The following DOCK8 variants were observed in gnomAD, a reference collection of about 807,000 sequenced individuals.
DOCK8 encodes dedicator of cytokinesis protein 8.
DOCK8 carries 141 observed loss-of-function variants against 245.6 expected under a neutral mutation model. That is an observed-to-expected ratio of 0.57 (90% CI 0.50 to 0.66). DOCK8 has a LOEUF of 0.66. Ranked by LOEUF, DOCK8 falls within the 30% of genes least tolerant of loss-of-function variation. The probability of loss-of-function intolerance (pLI) is 0.00; values close to 1 mark genes in which losing one functional copy is unlikely to be tolerated. For missense variants in DOCK8, 2,965 were observed against 2,603.4 expected (o/e 1.14, Z -3.02); for synonymous variants, 1,168 against 970.2 (o/e 1.20, Z -3.79).
chr9:291,305 ACT>A (rs150950342), intron 4 of DOCK8, among the ~76,000 whole-genome samples: 2,489 of 152,170 alleles, frequency 0.016, 60 homozygotes, highest in African/African-American at 0.057. Flanking sequence ...GAAAAAAATG[ACT>A]CTTTTTGGAA....
intron 5 of DOCK8, among the ~76,000 whole-genome samples, chr9:308,124 T>C (rs1216373064): frequency 6.6e-6 from 1 of 152,196 alleles, no homozygotes; most frequent in Non-Finnish European, 1.5e-5. Flanking sequence ...AGGAATAAGT[T>C]CTAGTATTTG....
At chr9:440,089 G>A (rs547359916) in intron 40 of DOCK8, among the ~76,000 whole-genome samples, 1 of 152,268 alleles carries the variant, frequency 6.6e-6, no homozygotes, top group Admixed American at 6.5e-5. Context: ...TGCAATCATG[G>A]CTCACTGCAG....
At chr9:372,061 C>G (rs2053309906) in intron 17 of DOCK8, 124 bp from the exon 18 acceptor site, 1 of 848,928 alleles carries the variant, frequency 1.2e-6, no homozygotes, top group Non-Finnish European at 1.9e-6. Flanking sequence ...AAATTACTGC[C>G]AAAAAGAGTA....
chr9:386,276 C>A, intron 22 of DOCK8, 55 bp from the exon 23 acceptor site: 2 of 1,491,022 alleles, frequency 1.3e-6, no homozygotes, highest in South Asian at 1.1e-5. Flanking sequence ...TTCCAGATGT[C>A]TGGCTTACCT....
intron 32 of DOCK8, among the ~76,000 whole-genome samples, chr9:421,495 A>G (rs190592878): frequency 1.5e-4 from 23 of 152,244 alleles, no homozygotes; most frequent in Non-Finnish European, 2.8e-4. Flanking sequence ...TCAGGGCACT[A>G]TTAGAATGGA....
intron 24 of DOCK8, among the ~76,000 whole-genome samples, chr9:396,102 A>G (rs964145573): frequency 1.1e-4 from 16 of 152,246 alleles, no homozygotes; most frequent in Admixed American, 9.8e-4. Context: ...TATGTAACTA[A>G]AAATTAGACT....
chr9:264,985 G>A (rs2048003963), intron 1 of DOCK8, among the ~76,000 whole-genome samples: 1 of 152,174 alleles, frequency 6.6e-6, no homozygotes, highest in Non-Finnish European at 1.5e-5. Flanking sequence ...AGGCTGGAGT[G>A]CAATGGCGTG....
At position 404,963 on chromosome 9, in the gene DOCK8, C is replaced by A. The variant is rs753416014; in HGVS notation, c.3280C>A (p.Leu1094Ile). The A allele has an allele frequency of 3.1e-6, 5 of 1,614,038 alleles. No homozygotes were observed. The highest frequency in any genetic ancestry group is 3.4e-6 in the Non-Finnish European group (4 of 1,179,992). ...CCTTCCAACGCTCATTTCCATGAGG[C>A]TAGAGTTCCTGAGAATCCTCTGTAG... ...SNLPTLISMR[L>I]EFLRILCSHE... Residue 1094 changes from leucine (L) to isoleucine (I), a missense_variant, in exon 27 of 48, where the codon CTA (leucine) becomes ATA (isoleucine). Around this residue, in one of 3 missense-constraint regions of DOCK8, gnomAD observed 2,825 missense variants for 2,453.5 expected, o/e 1.15. Transcript: ENST00000432829.
chr9:302,318 C>T (rs1465578120), intron 4 of DOCK8, among the ~76,000 whole-genome samples: 5 of 152,070 alleles, frequency 3.3e-5, no homozygotes, highest in African/African-American at 1.2e-4. Context: ...GAAATTGGAC[C>T]CCTCCTTTTA....
At chr9:419,601 C>T (rs2056189984) in intron 30 of DOCK8, among the ~76,000 whole-genome samples, 1 of 152,194 alleles carries the variant, frequency 6.6e-6, no homozygotes. Context: ...CCATCCAAAA[C>T]TAACATTTCC....
intron 20 of DOCK8, among the ~76,000 whole-genome samples, chr9:378,524 G>C (rs998343855): frequency 6.6e-6 from 1 of 152,224 alleles, no homozygotes; most frequent in African/African-American, 2.4e-5. Context: ...TCCTGTGTTG[G>C]AGGCTAACTT....
intron 47 of DOCK8, 22 bp from the exon 48 acceptor site, chr9:464,137 C>A: frequency 6.2e-7 from 1 of 1,601,856 alleles, no homozygotes; most frequent in Non-Finnish European, 8.6e-7. Context: ...TCCCTCTCCT[C>A]CCTCTCTTTT....
At chr9:364,116 A>G (rs2052862300) in intron 14 of DOCK8, among the ~76,000 whole-genome samples, 1 of 152,222 alleles carries the variant, frequency 6.6e-6, no homozygotes, top group African/African-American at 2.4e-5. Flanking sequence ...GGGGCATGAT[A>G]TATAAAGTGT....
intron 33 of DOCK8, 115 bp downstream of exon 33, chr9:422,250 C>A: frequency 1.1e-6 from 1 of 874,022 alleles, no homozygotes. Context: ...AATGAAACAT[C>A]ATTATCTGTG....
chr9:309,241 T>G (rs1433126762), intron 5 of DOCK8, among the ~76,000 whole-genome samples: 1 of 152,218 alleles, frequency 6.6e-6, no homozygotes, highest in Non-Finnish European at 1.5e-5. Context: ...TAAAGTCATT[T>G]TCCTTAAACT....
chr9:292,453 G>A (rs2049086634), intron 4 of DOCK8, among the ~76,000 whole-genome samples: 2 of 136,676 alleles, frequency 1.5e-5, no homozygotes, highest in Admixed American at 1.5e-4. Flanking sequence ...AAGAATATTA[G>A]ATGTTATAAT....
chr9:443,631 A>G, intron 43 of DOCK8, 115 bp downstream of exon 43: 2 of 811,304 alleles, frequency 2.5e-6, no homozygotes, highest in South Asian at 1.5e-5. Flanking sequence ...AATGCAGTCA[A>G]ACCTTTTCGT....
intron 14 of DOCK8, among the ~76,000 whole-genome samples, chr9:356,571 C>G (rs1334053500): frequency 1.3e-5 from 2 of 151,878 alleles, no homozygotes; most frequent in Non-Finnish European, 2.9e-5. Flanking sequence ...GGGTCCCTTC[C>G]CACCTTCCCT....
intron 14 of DOCK8, among the ~76,000 whole-genome samples, chr9:353,223 A>T (rs890026826): frequency 1.2e-4 from 19 of 152,160 alleles, no homozygotes; most frequent in African/African-American, 4.6e-4. Context: ...CAAAACTCAG[A>T]CAAGTCCTCT....
Sources: allele counts gnomAD v4.1 joint callset (sites outside exome capture counted in the v4.1 genomes callset), GRCh38; gene constraint gnomAD v4.1.1; regional missense constraint gnomAD v4.1.1; transcripts MANE v1.5; gene names NCBI Gene and HGNC (gene_info 2026-07-23, HGNC 2026-07-21).